The following CEMIP variants were observed in gnomAD, a reference collection of about 807,000 sequenced individuals.
CEMIP encodes cell migration-inducing and hyaluronan-binding protein.
Under a neutral mutation model 156.9 loss-of-function variants are expected in CEMIP, and 105 were observed. The ratio of observed to expected loss-of-function variants is 0.67; its 90% CI spans 0.57 to 0.79. CEMIP has a LOEUF of 0.79. CEMIP is among the 30% of genes least tolerant of loss of function. The probability of loss-of-function intolerance (pLI) is 0.00; values close to 1 mark genes in which losing one functional copy is unlikely to be tolerated. For synonymous variants in CEMIP, 676 were observed against 668.4 expected, an observed-to-expected ratio of 1.01 and a Z score of -0.17; for missense variants, 1,457 against 1,769.4, an observed-to-expected ratio of 0.82 and a Z score of 3.17.
chr15:80,889,474 T>C lies in CEMIP; in HGVS notation c.968T>C (p.Val323Ala). The change falls in exon 10 of 30, where the codon GTG (valine) becomes GCG (alanine). Residue 323 changes from valine (V) to alanine (A), a missense_variant. Val to Ala is a moderately conservative substitution (Grantham distance 64). Around this residue, in one of 5 missense-constraint regions of CEMIP, gnomAD observed 280 missense variants for 300.3 expected, o/e 0.93. Transcript: ENST00000394685. ...GTGCTGTTTGCTTTCTGCCTAGACG[T>C]GGAGTGGACGGAGTGGTTCGATCAT... is the stretch of plus-strand genomic sequence containing the variant. ...VSLSSEWVQD[V>A]EWTEWFDHDK... 6.2e-7 allele frequency: 1 copy of C among 1,614,052 alleles called. No homozygotes were observed. The highest frequency in any genetic ancestry group is 8.5e-7 in the Non-Finnish European group (1 of 1,179,964).
Position 80,932,131 on chromosome 15 carries a change from A to ACCAC in CEMIP, c.2793+94_2793+97dup. 6.9e-7 allele frequency: 1 copy of ACCAC among 1,446,334 alleles called. No homozygotes were observed. The highest frequency in any genetic ancestry group is 9.6e-7 in the Non-Finnish European group (1 of 1,042,764). The allele number at this position is 1,446,334 out of a possible 1,614,324, so 89.6% of individuals were successfully genotyped here. ...GGGTCCCAGAGTTTGAGCTATTGCC[A>ACCAC]CCACCGCAGGGGTTGAGAAGCCTCC... On this transcript the variant is annotated intron_variant, in intron 22 of 29. Transcript: ENST00000394685. This position sits in a 1 kb window ranked among gnomAD's most constrained non-coding sequence, Gnocchi z 4.5.
In CEMIP at chr15:80,937,999, G is replaced by C. The variant is rs754833652; in HGVS notation, c.3407+20G>C. 1 of 1,606,604 alleles carries C rather than the reference G, an allele frequency of 6.2e-7. No homozygotes were observed. Among genetic ancestry groups the C allele is most frequent in the Non-Finnish European group, 8.5e-7 (1 of 1,175,506 alleles). On this transcript the variant is annotated intron_variant, in intron 25 of 29. Coordinates refer to ENST00000394685, the MANE Select transcript of CEMIP (RefSeq NM_001293298.2). ...CTCAGGGTGAGCAGGCGCCCACTTG[G>C]CTGCAGGAAAGTGGCTCAACCTCAT...
rs1388390317 is a variant in CEMIP at position 80,949,956 on chromosome 15, C to A, written c.*1032C>A. 1 of 152,150 alleles carries A rather than the reference C, an allele frequency of 6.6e-6. No individual in the cohort carries two copies. Among genetic ancestry groups the A allele is most frequent in the Non-Finnish European group, 1.5e-5 (1 of 68,046 alleles). The allele number at this position is 152,150 out of a possible 1,614,324, so 9.4% of individuals were successfully genotyped here. A position where few individuals can be genotyped will look rare whatever the true frequency, so the allele number is the denominator to read the frequency against. Reference sequence around the variant, plus strand: ...TCGCCCTTTGCTCACGTCTCTCTGGCCCACTCATGATGGAGAAGTGTGGTC... The same window carrying A: ...TCGCCCTTTGCTCACGTCTCTCTGGACCACTCATGATGGAGAAGTGTGGTC... On this transcript the variant is annotated 3_prime_UTR_variant, in exon 30 of 30. Transcript: ENST00000394685.
At chr15:80,894,528 C>A (rs1236795143) in intron 10 of CEMIP, among the ~76,000 whole-genome samples, 1 of 152,162 alleles carries the variant, frequency 6.6e-6, no homozygotes, top group Non-Finnish European at 1.5e-5. Flanking sequence ...CAGACACAAT[C>A]AAATCTGAGG....
At chr15:80,929,612 G>C (rs143286534) in intron 21 of CEMIP, among the ~76,000 whole-genome samples, 54 of 152,280 alleles carry the variant, frequency 3.5e-4, no homozygotes, top group African/African-American at 1.1e-3. Flanking sequence ...CATGCAGGTT[G>C]GGGTCTTCAA....
intron 6 of CEMIP, 108 bp downstream of exon 6, chr15:80,881,244 G>A: frequency 1.1e-6 from 1 of 948,296 alleles, no homozygotes; most frequent in Non-Finnish European, 1.7e-6. Flanking sequence ...AGCAGTGAAT[G>A]AAACAGATGG....
At chr15:80,900,648 G>GTGTGTGTGTGTGTGTGTGTGTGTC (rs1567090991) in intron 12 of CEMIP, among the ~76,000 whole-genome samples, 1 of 111,854 alleles carries the variant, frequency 8.9e-6, no homozygotes, top group African/African-American at 3.3e-5. Context: ...GTGTGTGTGT[G>GTGTGTGTGTGTGTGTGTGTGTGTC]TCTGTGTGTG....
intron 6 of CEMIP, among the ~76,000 whole-genome samples, chr15:80,882,621 G>T (rs1898699569): frequency 6.6e-6 from 1 of 152,192 alleles, no homozygotes; most frequent in Admixed American, 6.5e-5. Flanking sequence ...AAGTGATCTG[G>T]ACAGATGCTG....
At chr15:80,832,344 G>GTGTGTGTGTT in intron 1 of CEMIP, among the ~76,000 whole-genome samples, 1 of 151,666 alleles carries the variant, frequency 6.6e-6, no homozygotes, top group East Asian at 1.9e-4. Flanking sequence ...GTGTGTGTGT[G>GTGTGTGTGTT]TGTGTGTGTG....
At chr15:80,907,483 A>ACC (rs1238939598) in intron 13 of CEMIP, among the ~76,000 whole-genome samples, 1 of 152,100 alleles carries the variant, frequency 6.6e-6, no homozygotes, top group African/African-American at 2.4e-5. Flanking sequence ...AATTGCTTGA[A>ACC]CCCAGGAGGC....
At position 80,887,607 on chromosome 15, in the gene CEMIP, C is replaced by T. The variant is rs74030631; in HGVS notation, c.798-87C>T. 5,598 of 1,009,702 alleles carry T rather than the reference C, an allele frequency of 5.5e-3. 178 individuals are homozygous for T. The African/African-American group carries it at 0.069, about 12-fold the overall frequency. The allele number at this position is 1,009,702 out of a possible 1,614,324, so 62.5% of individuals were successfully genotyped here. ...AGGGACCCTCCTTCACCTGACGCTG[C>T]TTCAACTCTGCCCCATCCCCCCACA... On this transcript the variant is annotated intron_variant, in intron 7 of 29. Transcript: ENST00000394685.
chr15:80,850,134 T>C (rs757027491), intron 1 of CEMIP, among the ~76,000 whole-genome samples: 1 of 151,888 alleles, frequency 6.6e-6, no homozygotes, highest in South Asian at 2.1e-4. Context: ...AGCAGGTAAA[T>C]GTCAGGGTCA....
At position 80,933,257 on chromosome 15, in the gene CEMIP, G is replaced by C; in HGVS notation, c.2806G>C (p.Val936Leu). 1 of 1,614,166 alleles carries C rather than the reference G, an allele frequency of 6.2e-7. No homozygotes were observed. The highest frequency in any genetic ancestry group is 8.5e-7 in the Non-Finnish European group (1 of 1,179,974). ...AFEDVPITSR[V>L]FFGEPGPWFN... ...GGGCTCTGTTTAGATTACTTCCAGAGTGTTCTTCGGAGAGCCTGGGCCCTG... is the reference window on the plus strand; with the variant it reads ...GGGCTCTGTTTAGATTACTTCCAGACTGTTCTTCGGAGAGCCTGGGCCCTG... Residue 936 changes from valine to leucine, a missense_variant, in exon 23 of 30, where the codon GTG becomes CTG. Transcript: ENST00000394685.
At chr15:80,900,638 G>GTGTCTGTGTGTGTCTGTGTGTGTGTC (rs1899466705) in intron 12 of CEMIP, among the ~76,000 whole-genome samples, 1 of 101,924 alleles carries the variant, frequency 9.8e-6, no homozygotes, top group Non-Finnish European at 2.1e-5. Flanking sequence ...GTGTGTGTGT[G>GTGTCTGTGTGTGTCTGTGTGTGTGTC]TGTGTGTGTG....
chr15:80,917,153 G>T (rs1900305087), intron 14 of CEMIP, among the ~76,000 whole-genome samples: 1 of 152,096 alleles, frequency 6.6e-6, no homozygotes, highest in South Asian at 2.1e-4. Context: ...CTCTCAGGAG[G>T]GAATTTTTTT....
At chr15:80,869,907 T>G (rs1410376642) in intron 1 of CEMIP, among the ~76,000 whole-genome samples, 1 of 152,220 alleles carries the variant, frequency 6.6e-6, no homozygotes, top group Non-Finnish European at 1.5e-5. Context: ...AGAGTTGGAA[T>G]TCAAACCCAG....
intron 10 of CEMIP, among the ~76,000 whole-genome samples, chr15:80,890,608 C>A (rs4778629): frequency 0.73 from 109,687 of 150,588 alleles, 40,269 homozygotes; most frequent in Admixed American, 0.78. Context: ...CAAAAAAAAA[C>A]CAGGCATTTG....
At chr15:80,948,299 G>T (rs767611991) in intron 29 of CEMIP, 24 of 234,508 alleles carry the variant, frequency 1.0e-4, no homozygotes, top group Admixed American at 2.5e-4. Context: ...CTAATCTGGG[G>T]TGCACCATTT....
At chr15:80,937,006 C>A in intron 24 of CEMIP, 121 bp downstream of exon 24, 1 of 933,598 alleles carries the variant, frequency 1.1e-6, no homozygotes, top group Non-Finnish European at 1.7e-6. Context: ...GCAGGAGTAC[C>A]TAGAGGGGTT....
Sources: gnomAD v4.1 joint callset for allele counts (sites outside exome capture counted in the v4.1 genomes callset) on GRCh38, gnomAD v4.1.1 for gene constraint, gnomAD v4.1.1 regional missense constraint, Gnocchi (gnomAD v3.1) non-coding constraint, MANE v1.5 for transcripts, NCBI Gene and HGNC (gene_info 2026-07-23, HGNC 2026-07-21) for gene names.